The following FOXL1 variants were observed in gnomAD, a reference collection of about 807,000 sequenced individuals.
FOXL1 encodes the protein forkhead box L1.
A neutral mutation model predicts 1.7 loss-of-function variants in FOXL1; 2 were observed. The observed-to-expected ratio is 1.21, with a 90% CI of 0.49 to 3.80. The LOEUF is 3.80. Among genes scored for constraint, FOXL1 ranks in the 30% most tolerant of loss-of-function variants. The pLI, the probability that FOXL1 is intolerant of heterozygous loss-of-function variation, is 0.07. For missense variants in FOXL1, 565 were observed against 495.8 expected (o/e 1.14, Z -1.32); for synonymous variants, 280 against 229.3 (o/e 1.22, Z -2.00).
Position 86,580,371 on chromosome 16 carries a change from A to C in FOXL1, c.*610A>C, listed in dbSNP as rs1167211390. Reference sequence around the variant, plus strand: ...CGATGAGGATTTATGACCAATGTTCAGCTATAGAAGCTGATAACCACCCAG... The same window carrying C: ...CGATGAGGATTTATGACCAATGTTCCGCTATAGAAGCTGATAACCACCCAG... On this transcript the variant is annotated 3_prime_UTR_variant, in exon 1 of 1. Transcript: ENST00000320241. 1 of 167,200 alleles carries C rather than the reference A, an allele frequency of 6.0e-6. No homozygotes were observed. The highest frequency in any genetic ancestry group is 1.5e-5 in the Non-Finnish European group (1 of 68,190). The allele number at this position is 167,200 out of a possible 1,614,324, so 10.4% of individuals were successfully genotyped here.
rs752555977 is a variant in FOXL1, at chr16:86,579,067, G to A, written c.344G>A (p.Gly115Glu). Residue 115 changes from glycine (G) to glutamate (E), a missense_variant, in exon 1 of 1, where the codon GGG becomes GAG. Coordinates refer to ENST00000320241, the MANE Select transcript of FOXL1 (RefSeq NM_005250.3). ...TTCGTCAAGGTGCCCCGCGAGAAAG[G>A]GCGGCCGGGCAAGGGCAGCTACTGG... ...DCFVKVPREK[G>E]RPGKGSYWTL... 1.6e-5 allele frequency: 26 copies of A among 1,613,830 alleles called. No homozygotes were observed. Among genetic ancestry groups the A allele is most frequent in the Non-Finnish European group, 2.1e-5 (25 of 1,179,932 alleles).
Position 86,579,769 on chromosome 16 carries a change from A to G in FOXL1, c.*8A>G, listed in dbSNP as rs541981355. On this transcript the variant is annotated 3_prime_UTR_variant, in exon 1 of 1. Coordinates refer to ENST00000320241, the MANE Select transcript of FOXL1 (RefSeq NM_005250.3). ...GTACTCCACTTCCAGTAAAGCAAAC[A>G]ATGGCACGGTTCTTCTCCCGGCCCA... 24 of 1,608,824 alleles carry G rather than the reference A, an allele frequency of 1.5e-5. No homozygotes were observed. The South Asian group carries it at 2.4e-4, about 16-fold the overall frequency.
rs914811945 is a variant in FOXL1, at chr16:86,578,663, A to C, written c.-61A>C. ...GGAGGGCCCTTGCGGCGCGGGGCGC[A>C]GTGCCTAGGCCGCCCGGGTCTCCTG... On this transcript the variant is annotated 5_prime_UTR_variant, in exon 1 of 1. Coordinates refer to ENST00000320241, the MANE Select transcript of FOXL1 (RefSeq NM_005250.3). 1.3e-4 allele frequency: 186 copies of C among 1,469,892 alleles called. No individual in the cohort carries two copies. The highest frequency in any genetic ancestry group is 1.6e-4 in the Non-Finnish European group (177 of 1,098,622). 91.1% of individuals were successfully genotyped at this position (1,469,892 alleles called of 1,614,324 possible).
In FOXL1 at chr16:86,578,834, T is replaced by A. The variant is rs749099997; in HGVS notation, c.111T>A (p.Ala37=). ...GLPLAFAPAA[A]LAASGRAETP... is the part of the protein sequence containing the mutation. ...CTCTGGCCTTCGCCCCCGCGGCTGC[T>A]CTAGCTGCCTCGGGCCGGGCCGAGA... The change falls in exon 1 of 1, where the codon GCT becomes GCA. Residue 37 remains alanine (A), a synonymous_variant. Coordinates refer to ENST00000320241, the MANE Select transcript of FOXL1 (RefSeq NM_005250.3). 1 of 1,613,660 alleles carries A rather than the reference T, an allele frequency of 6.2e-7. No homozygotes were observed. Among genetic ancestry groups the A allele is most frequent in the Non-Finnish European group, 8.5e-7 (1 of 1,179,948 alleles).
At position 86,582,205 on chromosome 16, in the gene FOXL1, C is replaced by T. The variant is rs767307428; in HGVS notation, c.*2444C>T. 7.2e-5 allele frequency: 11 copies of T among 152,256 alleles called. No homozygotes were observed. The highest frequency in any genetic ancestry group is 1.3e-4 in the Non-Finnish European group (9 of 68,020). The allele number at this position is 152,256 out of a possible 1,614,324, so 9.4% of individuals were successfully genotyped here. On this transcript the variant is annotated 3_prime_UTR_variant, in exon 1 of 1. Coordinates refer to ENST00000320241, the MANE Select transcript of FOXL1 (RefSeq NM_005250.3). The stretch of plus-strand genomic sequence containing the variant: ...AGCTAAGACAAGTGGATACTGAGGT[C>T]GTTTTTATGTAATCTATATAATTGC...
rs1244499500 is a variant in FOXL1, at chr16:86,581,094, A to G, written c.*1333A>G. On this transcript the variant is annotated 3_prime_UTR_variant, in exon 1 of 1. Transcript: ENST00000320241. ...CTGGGGAGGGGAGAAGAGGTCTGCA[A>G]CGAAAATCTAATTAAGAACATTGAG... 1.2e-5 allele frequency: 2 copies of G among 167,128 alleles called. No individual in the cohort carries two copies. Among genetic ancestry groups the G allele is most frequent in the South Asian group, 2.1e-4 (1 of 4,828 alleles). 10.4% of individuals were successfully genotyped at this position (167,128 alleles called of 1,614,324 possible). A position where few individuals can be genotyped will look rare whatever the true frequency, so the allele number is the denominator to read the frequency against.
Position 86,579,102 on chromosome 16 carries a change from C to G in FOXL1, c.379C>G (p.Pro127Ala). ...CAAGGGCAGCTACTGGACGCTGGAC[C>G]CCCGCTGCCTGGACATGTTTGAGAA... The part of the protein sequence containing the change: ...PGKGSYWTLD[P>A]RCLDMFENGN... Residue 127 changes from proline to alanine, a missense_variant, in exon 1 of 1, where the codon CCC becomes GCC. By Grantham distance (27) the Pro-to-Ala change is conservative. Transcript: ENST00000320241. 1 of 1,613,988 alleles carries G rather than the reference C, an allele frequency of 6.2e-7. No individual in the cohort carries two copies. The highest frequency in any genetic ancestry group is 8.5e-7 in the Non-Finnish European group (1 of 1,179,964).
Position 86,579,205 on chromosome 16 carries a change from C to T in FOXL1, c.482C>T (p.Thr161Met), listed in dbSNP as rs769689778. 1 of 1,578,666 alleles carries T rather than the reference C, an allele frequency of 6.3e-7. No individual in the cohort carries two copies. The highest frequency in any genetic ancestry group is 1.9e-5 in the Admixed American group (1 of 53,832). ...GAGGCCAAGAGGCCCCGCGCCGAGA[C>T]GCACCAGCGCAGCGCGGAGGCGCAG... ...APEAKRPRAE[T>M]HQRSAEAQPE... Residue 161 changes from threonine (T) to methionine (M), a missense_variant, in exon 1 of 1, where the codon ACG becomes ATG. Thr to Met is a moderately conservative substitution (Grantham distance 81). Transcript: ENST00000320241.
At position 86,582,976 on chromosome 16, in the gene FOXL1, G is replaced by C. The variant is rs549732841; in HGVS notation, c.*3215G>C. On this transcript the variant is annotated 3_prime_UTR_variant, in exon 1 of 1. Coordinates refer to ENST00000320241, the MANE Select transcript of FOXL1 (RefSeq NM_005250.3). ...GAGAACTTTTCCCTCCGTTCACAAG[G>C]ACAGAGAACTTTACAAAGGACTCTT... 6.7e-6 allele frequency among the ~76,000 whole-genome samples: 1 copy of C among 150,130 alleles called. No individual in the cohort carries two copies. The highest frequency in any genetic ancestry group is 1.5e-5 in the Non-Finnish European group (1 of 67,786).
At position 86,578,616 on chromosome 16, in the gene FOXL1, C is replaced by A; in HGVS notation, c.-108C>A. Reference sequence around the variant, plus strand: ...CCGGGGAGAGCGGCAGAGCCAGAGGCAGAGGCACGGCTGGCTCCCCGGGAG... The same window carrying A: ...CCGGGGAGAGCGGCAGAGCCAGAGGAAGAGGCACGGCTGGCTCCCCGGGAG... On this transcript the variant is annotated 5_prime_UTR_variant, in exon 1 of 1. Transcript: ENST00000320241. The A allele has an allele frequency of 1.1e-6, 1 of 901,604 alleles. No homozygotes were observed. The highest frequency in any genetic ancestry group is 1.7e-6 in the Non-Finnish European group (1 of 601,008). 55.9% of individuals were successfully genotyped at this position (901,604 alleles called of 1,614,324 possible).
rs1272321242 is a variant in FOXL1, at chr16:86,582,819, G to A, written c.*3058G>A. Among the ~76,000 whole-genome samples the A allele has an allele frequency of 6.6e-6, 1 of 151,954 alleles. No homozygotes were observed. Among genetic ancestry groups the A allele is most frequent in the Admixed American group, 6.6e-5 (1 of 15,250 alleles). ...TTTTTCTATATAGTTTTTAAAAATA[G>A]ATAATAATTTCTATATAGCTTTAAT... On this transcript the variant is annotated 3_prime_UTR_variant, in exon 1 of 1. Coordinates refer to ENST00000320241, the MANE Select transcript of FOXL1 (RefSeq NM_005250.3).
Position 86,579,835 on chromosome 16 carries a change from G to A in FOXL1, c.*74G>A. On this transcript the variant is annotated 3_prime_UTR_variant, in exon 1 of 1. Transcript: ENST00000320241. ...GAGCGAAAGGCCACAGCTCCCACCG[G>A]CGGAGGATTTTAAAATGATCTTTGC... is the stretch of plus-strand genomic sequence containing the variant. 1 of 1,361,170 alleles carries A rather than the reference G, an allele frequency of 7.3e-7. No homozygotes were observed. The highest frequency in any genetic ancestry group is 1.9e-5 in the Admixed American group (1 of 52,094). The allele number at this position is 1,361,170 out of a possible 1,614,324, so 84.3% of individuals were successfully genotyped here.
In FOXL1 at chr16:86,579,922, G is replaced by A; in HGVS notation, c.*161G>A. The A allele has an allele frequency of 2.8e-6, 2 of 709,582 alleles. No individual in the cohort carries two copies. The highest frequency in any genetic ancestry group is 2.0e-5 in the South Asian group (1 of 51,138). 44.0% of individuals were successfully genotyped at this position (709,582 alleles called of 1,614,324 possible). Reference sequence around the variant, plus strand: ...CCATTGCGCGCAGGTGGGCGCGCTCGCCTGCCTTCTCCGAAGCAAACTTTT... The same window carrying A: ...CCATTGCGCGCAGGTGGGCGCGCTCACCTGCCTTCTCCGAAGCAAACTTTT... On this transcript the variant is annotated 3_prime_UTR_variant, in exon 1 of 1. Coordinates refer to ENST00000320241, the MANE Select transcript of FOXL1 (RefSeq NM_005250.3).
At position 86,579,009 on chromosome 16, in the gene FOXL1, A is replaced by G. The variant is rs1293711877; in HGVS notation, c.286A>G (p.Ser96Gly). 6.2e-7 allele frequency: 1 copy of G among 1,614,056 alleles called. No individual in the cohort carries two copies. Among genetic ancestry groups the G allele is most frequent in the South Asian group, 1.1e-5 (1 of 91,084 alleles). ...YHDNRQGWQNSIRHNLSLNDC... is the reference protein window; with the variant it reads ...YHDNRQGWQNGIRHNLSLNDC... ...CGACAACCGGCAGGGCTGGCAGAAC[A>G]GCATCCGCCACAACCTCTCGCTCAA... Residue 96 changes from serine (S) to glycine (G), a missense_variant, in exon 1 of 1, where the codon AGC becomes GGC. Ser to Gly is a moderately conservative substitution (Grantham distance 56, BLOSUM62 0). Coordinates refer to ENST00000320241, the MANE Select transcript of FOXL1 (RefSeq NM_005250.3).
In FOXL1 at chr16:86,579,322, C is replaced by T; in HGVS notation, c.599C>T (p.Pro200Leu). ...GGCCCCTCGCCCCTCCTGGACGGCC[C>T]CTCTCCGCCGGCGCCCCTCCACTGG... ...PAGPSPLLDG[P>L]SPPAPLHWPG... Residue 200 changes from proline to leucine, a missense_variant, in exon 1 of 1, where the codon CCC becomes CTC. Physicochemically the swap from Pro to Leu is moderately conservative, Grantham distance 98. Transcript: ENST00000320241. 4.1e-6 allele frequency: 6 copies of T among 1,467,848 alleles called. No homozygotes were observed. Among genetic ancestry groups the T allele is most frequent in the Non-Finnish European group, 5.4e-6 (6 of 1,117,490 alleles). The allele number at this position is 1,467,848 out of a possible 1,614,324, so 90.9% of individuals were successfully genotyped here.
rs779048348 is a variant in FOXL1 at position 86,579,641 on chromosome 16, G to A, written c.918G>A (p.Pro306=). The A allele has an allele frequency of 1.3e-5, 21 of 1,613,688 alleles. No homozygotes were observed. In the African/African-American group the frequency reaches 2.1e-4, roughly 16 times the overall value. The change falls in exon 1 of 1, where the codon CCG becomes CCA. Residue 306 remains proline, a synonymous_variant. Transcript: ENST00000320241. ...TGGCCGCCTCCTCCAGCCTCCGTCCGCCTTTCAACGCTTCCCTGATGCTCG... is the reference window on the plus strand; with the variant it reads ...TGGCCGCCTCCTCCAGCCTCCGTCCACCTTTCAACGCTTCCCTGATGCTCG... ...SLLAASSSLR[P]PFNASLMLDP...
In FOXL1 at chr16:86,579,948, C is replaced by T. The variant is rs528952696; in HGVS notation, c.*187C>T. 14 of 633,288 alleles carry T rather than the reference C, an allele frequency of 2.2e-5. No individual in the cohort carries two copies. The highest frequency in any genetic ancestry group is 2.2e-4 in the African/African-American group (12 of 54,326). The allele number at this position is 633,288 out of a possible 1,614,324, so 39.2% of individuals were successfully genotyped here. On this transcript the variant is annotated 3_prime_UTR_variant, in exon 1 of 1. Coordinates refer to ENST00000320241, the MANE Select transcript of FOXL1 (RefSeq NM_005250.3). ...CCTGCCTTCTCCGAAGCAAACTTTT[C>T]CCAGCAACTGGGAGCAGCTACGGAG...
Position 86,582,849 on chromosome 16 carries a change from T to C in FOXL1, c.*3088T>C, listed in dbSNP as rs985028837. ...TAATTTCTATATAGCTTTAATAGTT[T>C]TGTTTCTCTATGTAGTATGAACCAG... On this transcript the variant is annotated 3_prime_UTR_variant, in exon 1 of 1. Transcript: ENST00000320241. Among the ~76,000 whole-genome samples the C allele has an allele frequency of 4.6e-5, 7 of 152,040 alleles. No individual in the cohort carries two copies. Among genetic ancestry groups the C allele is most frequent in the Non-Finnish European group, 1.0e-4 (7 of 68,030 alleles).
rs1183574085 is a variant in FOXL1, at chr16:86,579,806, C to A, written c.*45C>A. 4.5e-6 allele frequency: 7 copies of A among 1,548,418 alleles called. No individual in the cohort carries two copies. In the South Asian group the frequency reaches 6.9e-5, roughly 15 times the overall value. On this transcript the variant is annotated 3_prime_UTR_variant, in exon 1 of 1. Coordinates refer to ENST00000320241, the MANE Select transcript of FOXL1 (RefSeq NM_005250.3). Reference sequence around the variant, plus strand: ...CTTCTCCCGGCCCAGCCTGAGCCTCCGCTGAGCGAAAGGCCACAGCTCCCA... The same window carrying A: ...CTTCTCCCGGCCCAGCCTGAGCCTCAGCTGAGCGAAAGGCCACAGCTCCCA...
Sources: gnomAD v4.1 joint callset for allele counts (sites outside exome capture counted in the v4.1 genomes callset) on GRCh38, gnomAD v4.1.1 for gene constraint, MANE v1.5 for transcripts, NCBI Gene and HGNC (gene_info 2026-07-23, HGNC 2026-07-21) for gene names.